Variants in LRPPRC observed in about 807,000 individuals in gnomAD.
The protein encoded by LRPPRC is leucine-rich PPR motif-containing protein, mitochondrial.
Under a neutral mutation model 180.3 loss-of-function variants are expected in LRPPRC, and 120 were observed. The ratio of observed to expected loss-of-function variants is 0.67; its 90% CI spans 0.57 to 0.77. LRPPRC has a LOEUF of 0.77. Ranked by LOEUF, LRPPRC falls within the 30% of genes least tolerant of loss-of-function variation. LRPPRC has a pLI of 0.00. For synonymous variants in LRPPRC, 723 were observed against 600.0 expected (o/e 1.21, Z -3.00); for missense variants, 2,012 against 1,657.2 (o/e 1.21, Z -3.72).
chr2:43,908,499 TAAAA>T, intron 30 of LRPPRC, among the ~76,000 whole-genome samples: 2 of 152,080 alleles, frequency 1.3e-5, no homozygotes, highest in Non-Finnish European at 2.9e-5. Flanking sequence ...AAAGGCAAAA[TAAAA>T]ATGATATTTT....
At chr2:43,924,511 T>C (rs758429380) in intron 27 of LRPPRC, among the ~76,000 whole-genome samples, 1 of 152,176 alleles carries the variant, frequency 6.6e-6, no homozygotes, top group Non-Finnish European at 1.5e-5. Context: ...TAGGAGATGA[T>C]AGGCTGAATA....
At chr2:43,993,124 T>C (rs953452164) in intron 1 of LRPPRC, among the ~76,000 whole-genome samples, 1 of 151,914 alleles carries the variant, frequency 6.6e-6, no homozygotes, top group African/African-American at 2.4e-5. Context: ...AAGGGGAAAA[T>C]GGAAGACAGA....
At chr2:43,963,800 G>C (rs1442994471) in intron 11 of LRPPRC, 94 bp from the exon 12 acceptor site, 1 of 798,784 alleles carries the variant, frequency 1.3e-6, no homozygotes, top group South Asian at 1.4e-5. Context: ...CTGAATCACA[G>C]TATAAGAAAA....
At chr2:43,919,114 G>A (rs1671604344) in intron 27 of LRPPRC, among the ~76,000 whole-genome samples, 1 of 152,100 alleles carries the variant, frequency 6.6e-6, no homozygotes, top group African/African-American at 2.4e-5. Flanking sequence ...GGCAGCATTA[G>A]ATTCTCATAG....
intron 1 of LRPPRC, among the ~76,000 whole-genome samples, chr2:43,982,648 T>A (rs1401956653): frequency 6.6e-6 from 1 of 152,146 alleles, no homozygotes; most frequent in Non-Finnish European, 1.5e-5. Context: ...GCACAGTAAA[T>A]CTCCTGAATA....
In LRPPRC at chr2:43,995,784, G is replaced by T. The variant is rs1475687059; in HGVS notation, c.149+15C>A. 16 of 1,373,574 alleles carry T rather than the reference G, an allele frequency of 1.2e-5. No individual in the cohort carries two copies. The African/African-American group carries it at 1.5e-4, about 13-fold the overall frequency. The allele number at this position is 1,373,574 out of a possible 1,614,324, so 85.1% of individuals were successfully genotyped here. A position where few individuals can be genotyped will look rare whatever the true frequency, so the allele number is the denominator to read the frequency against. On this transcript the variant is annotated intron_variant, in intron 1 of 37. Coordinates refer to ENST00000260665, the MANE Select transcript of LRPPRC (RefSeq NM_133259.4). Reference sequence around the variant, plus strand: ...GGCGCCGCAGCTTGCCTGGAGAAAGGGCCTGGGCACTCACCCGGCCACGGG... The same window carrying T: ...GGCGCCGCAGCTTGCCTGGAGAAAGTGCCTGGGCACTCACCCGGCCACGGG...
chr2:43,917,631 T>A (rs925489932), intron 29 of LRPPRC, among the ~76,000 whole-genome samples: 2 of 151,804 alleles, frequency 1.3e-5, no homozygotes, highest in African/African-American at 4.8e-5. Flanking sequence ...CTACTACAAA[T>A]ATAAAAAATT....
Position 43,905,710 on chromosome 2 carries a change from T to A in LRPPRC, c.3346A>T (p.Arg1116Trp). The change falls in exon 31 of 38, where the codon AGG becomes TGG. Residue 1116 changes from arginine to tryptophan, a missense_variant. Transcript: ENST00000260665. ...GACATACCTTTCAAATAATCCCGCC[T>A]AACTTGCGTTATGATGAGGCGGCTG... Reference protein sequence around the residue: ...ANSRLIITQVRRDYLKEAVTT... With the variant: ...ANSRLIITQVWRDYLKEAVTT... 6.2e-7 allele frequency: 1 copy of A among 1,613,556 alleles called. No individual in the cohort carries two copies.
Position 43,901,338 on chromosome 2 carries a change from G to T in LRPPRC, c.3551C>A (p.Ala1184Asp). The T allele has an allele frequency of 3.1e-6, 5 of 1,613,434 alleles. No homozygotes were observed. The South Asian group carries it at 5.5e-5, about 18-fold the overall frequency. The change falls in exon 32 of 38, where the codon GCT becomes GAT. Residue 1184 changes from alanine to aspartate, a missense_variant. Ala to Asp is a moderately radical substitution (Grantham distance 126). Transcript: ENST00000260665. ...TACTCACTTCTTTATTTGAGCCAAA[G>T]CAATGTTATTGATGAAAACCATTTT... ...LSKMVFINNI[A>D]LAQIKNNNID...
chr2:43,918,481 G>T, intron 27 of LRPPRC, 83 bp from the exon 28 acceptor site: 4 of 1,051,046 alleles, frequency 3.8e-6, no homozygotes, highest in South Asian at 1.3e-5. Flanking sequence ...TTTCTTATTT[G>T]ATGTTGAAGA....
At chr2:43,957,350 G>A (rs759665794) in intron 14 of LRPPRC, 35 bp downstream of exon 14, 1 of 1,462,586 alleles carries the variant, frequency 6.8e-7, no homozygotes, top group South Asian at 1.1e-5. Flanking sequence ...ATCAGTCCAT[G>A]TTCAGGCAAG....
At chr2:43,965,579 T>C (rs1317157140) in intron 11 of LRPPRC, among the ~76,000 whole-genome samples, 6 of 152,120 alleles carry the variant, frequency 3.9e-5, no homozygotes, top group Admixed American at 1.3e-4. Flanking sequence ...AGGCGACCTA[T>C]GGAATGCGAG....
intron 11 of LRPPRC, among the ~76,000 whole-genome samples, chr2:43,967,665 G>A (rs1428497104): frequency 6.6e-6 from 1 of 152,142 alleles, no homozygotes; most frequent in Non-Finnish European, 1.5e-5. Flanking sequence ...CTACACTCCA[G>A]CCTGGACAAC....
chr2:43,899,404 G>C, intron 33 of LRPPRC, 62 bp downstream of exon 33: 2 of 1,606,902 alleles, frequency 1.2e-6, no homozygotes, highest in Non-Finnish European at 1.7e-6. Flanking sequence ...AAAGAAATTT[G>C]GTCTAGTCTC....
chr2:43,942,963 T>C (rs1672538160), intron 23 of LRPPRC, among the ~76,000 whole-genome samples: 3 of 152,088 alleles, frequency 2.0e-5, no homozygotes, highest in East Asian at 1.9e-4. Flanking sequence ...GCAGTCTCCA[T>C]GTAATGCAGA....
At chr2:43,947,912 T>C (rs1672750860) in intron 18 of LRPPRC, 137 bp from the exon 19 acceptor site, 2 of 689,888 alleles carry the variant, frequency 2.9e-6, no homozygotes, top group Non-Finnish European at 2.6e-6. Flanking sequence ...ATTCTCTTCA[T>C]ACTTTATTAA....
chr2:43,945,229 T>C lies in LRPPRC; in HGVS notation c.2296+103A>G, dbSNP rs1429667182. The C allele has an allele frequency of 7.3e-6, 6 of 822,366 alleles. No individual in the cohort carries two copies. The African/African-American group carries it at 1.0e-4, about 14-fold the overall frequency. 50.9% of individuals were successfully genotyped at this position (822,366 alleles called of 1,614,324 possible). ...CACATGCAAATTTCTATGCAAAGTG[T>C]TCAAGCACTTTGCAGGACATGATAT... is the stretch of plus-strand genomic sequence containing the variant. On this transcript the variant is annotated intron_variant, in intron 22 of 37. Transcript: ENST00000260665.
At chr2:43,947,583 TGAG>T (rs1672735092) in intron 19 of LRPPRC, 145 bp downstream of exon 19, 1 of 666,550 alleles carries the variant, frequency 1.5e-6, no homozygotes, top group South Asian at 1.8e-5. Context: ...TTGATTTTTC[TGAG>T]GTGGGGAACA....
At chr2:43,895,042 C>CA (rs975296348) in intron 35 of LRPPRC, among the ~76,000 whole-genome samples, 2 of 152,118 alleles carry the variant, frequency 1.3e-5, no homozygotes, top group Admixed American at 6.5e-5. Flanking sequence ...ACTTGACATA[C>CA]AAAAAAGAGC....
Sources: allele counts gnomAD v4.1 joint callset (sites outside exome capture counted in the v4.1 genomes callset), GRCh38; gene constraint gnomAD v4.1.1; transcripts MANE v1.5; gene names NCBI Gene and HGNC (gene_info 2026-07-23, HGNC 2026-07-21).